Variants in CYP2C19 observed in about 807,000 individuals in gnomAD.
The protein encoded by CYP2C19 is cytochrome P450 family 2 subfamily C member 19.
A neutral mutation model predicts 40.9 loss-of-function variants in CYP2C19; 59 were observed. The ratio of observed to expected loss-of-function variants is 1.44; its 90% CI spans 1.17 to 1.79. The LOEUF is 1.79. Ranked by LOEUF, CYP2C19 falls within the 40% of genes most tolerant of loss-of-function variation. The pLI is 0.00. For missense variants in CYP2C19, 754 were observed against 596.9 expected, an observed-to-expected ratio of 1.26 and a Z score of -2.74; for synonymous variants, 253 against 208.7, an observed-to-expected ratio of 1.21 and a Z score of -1.83.
intron 5 of CYP2C19, among the ~76,000 whole-genome samples, chr10:94,817,974 C>G (rs1028472297): frequency 1.8e-4 from 26 of 140,738 alleles, no homozygotes; most frequent in African/African-American, 6.6e-4. Flanking sequence ...GATCCCGCCA[C>G]TGCACTCCAG....
At position 94,842,711 on chromosome 10, in the gene CYP2C19, C is replaced by T; in HGVS notation, c.962-126C>T. 16 of 1,073,716 alleles carry T rather than the reference C, an allele frequency of 1.5e-5. No individual in the cohort carries two copies. In the South Asian group the frequency reaches 2.3e-4, roughly 16 times the overall value. The allele number at this position is 1,073,716 out of a possible 1,614,324, so 66.5% of individuals were successfully genotyped here. ...CCTCTCTTTAAGTTACACATACTTC[C>T]AGCACTATAATTTAAATTTATTATG... On this transcript the variant is annotated intron_variant, in intron 6 of 8. Transcript: ENST00000371321.
At chr10:94,841,222 G>A (rs1304742027) in intron 6 of CYP2C19, among the ~76,000 whole-genome samples, 1 of 152,194 alleles carries the variant, frequency 6.6e-6, no homozygotes, top group Non-Finnish European at 1.5e-5. Flanking sequence ...GTGGAACCCG[G>A]CAACTAGTGT....
At chr10:94,849,806 A>G in intron 7 of CYP2C19, 111 bp from the exon 8 acceptor site, 1 of 1,318,140 alleles carries the variant, frequency 7.6e-7, no homozygotes, top group Non-Finnish European at 1.1e-6. Flanking sequence ...TCTTCTTTGG[A>G]ATGGTGTTTC....
intron 7 of CYP2C19, 42 bp from the exon 8 acceptor site, chr10:94,849,875 G>A (rs199930610): frequency 1.2e-6 from 2 of 1,612,192 alleles, no homozygotes; most frequent in African/African-American, 2.7e-5. Flanking sequence ...AAACCTTCGT[G>A]ACTTCTTTAC....
chr10:94,775,447 C>G lies in CYP2C19; in HGVS notation c.389C>G (p.Thr130Arg). ...GAGATCCGGCGTTTCTCCCTCATGA[C>G]GCTGCGGAATTTTGGGATGGGGAAG... Reference protein sequence around the residue: ...WKEIRRFSLMTLRNFGMGKRS... With the variant: ...WKEIRRFSLMRLRNFGMGKRS... The change falls in exon 3 of 9, where the codon ACG (threonine) becomes AGG (arginine). Residue 130 changes from threonine to arginine, a missense_variant. Coordinates refer to ENST00000371321, the MANE Select transcript of CYP2C19 (RefSeq NM_000769.4). 6.2e-7 allele frequency: 1 copy of G among 1,614,020 alleles called. No homozygotes were observed.
chr10:94,775,040 C>T lies in CYP2C19; in HGVS notation c.169-18C>T. 1 of 1,613,314 alleles carries T rather than the reference C, an allele frequency of 6.2e-7. No homozygotes were observed. The highest frequency in any genetic ancestry group is 1.7e-5 in the Admixed American group (1 of 59,984). On this transcript the variant is annotated intron_variant, in intron 1 of 8. Coordinates refer to ENST00000371321, the MANE Select transcript of CYP2C19 (RefSeq NM_000769.4). ...AAACAGTGACTTCATTTGCTGTTAACTGTATCTCCTTTTCTAGCTCTCAAA... is the reference window on the plus strand; with the variant it reads ...AAACAGTGACTTCATTTGCTGTTAATTGTATCTCCTTTTCTAGCTCTCAAA...
intron 3 of CYP2C19, among the ~76,000 whole-genome samples, chr10:94,777,267 C>T (rs1848420604): frequency 6.6e-6 from 1 of 152,184 alleles, no homozygotes; most frequent in South Asian, 2.1e-4. Flanking sequence ...CATCAAGCTG[C>T]CATTGAGTTT....
At chr10:94,765,543 G>T (rs111579015) in intron 1 of CYP2C19, among the ~76,000 whole-genome samples, 2 of 151,958 alleles carry the variant, frequency 1.3e-5, no homozygotes, top group Non-Finnish European at 2.9e-5. Context: ...GAGTGGCTCC[G>T]TGTGTTCTAT....
rs565250334 is a variant in CYP2C19 at position 94,800,794 on chromosome 10, CA to C, written c.819+18799del. Among the ~76,000 whole-genome samples the C allele has an allele frequency of 3.1e-3, 470 of 152,318 alleles. 3 individuals carry two copies. Among genetic ancestry groups the C allele is most frequent in the African/African-American group, 0.011 (448 of 41,572 alleles). On this transcript the variant is annotated intron_variant, in intron 5 of 8. Transcript: ENST00000371321. Reference sequence around the variant, plus strand: ...CTTAGACTGCTGTGCTAGCAGTGAACAAGGCTCCATGGGCATGGGACCCACT... The same window carrying C: ...CTTAGACTGCTGTGCTAGCAGTGAACAGGCTCCATGGGCATGGGACCCACT...
intron 8 of CYP2C19, among the ~76,000 whole-genome samples, chr10:94,850,375 C>T (rs971925748): frequency 6.6e-6 from 1 of 152,170 alleles, no homozygotes; most frequent in Non-Finnish European, 1.5e-5. Context: ...ATTTTCCTCA[C>T]TAGCCATGAG....
At chr10:94,823,235 G>C (rs1044546414) in intron 6 of CYP2C19, among the ~76,000 whole-genome samples, 1 of 152,110 alleles carries the variant, frequency 6.6e-6, no homozygotes, top group African/African-American at 2.4e-5. Flanking sequence ...GGCTCTCTCT[G>C]CCTAGGTTTC....
intron 3 of CYP2C19, 62 bp downstream of exon 3, chr10:94,775,601 T>C: frequency 6.2e-7 from 1 of 1,612,882 alleles, no homozygotes; most frequent in Non-Finnish European, 8.5e-7. Context: ...ACTGACATTC[T>C]TGGAAACATT....
chr10:94,780,362 A>C, intron 3 of CYP2C19, 137 bp from the exon 4 acceptor site: 1 of 1,129,344 alleles, frequency 8.9e-7, no homozygotes, highest in Non-Finnish European at 1.2e-6. Context: ...ATGCATGCCA[A>C]ACTCTTTTTT....
At chr10:94,817,489 A>G (rs973417357) in intron 5 of CYP2C19, among the ~76,000 whole-genome samples, 1 of 144,602 alleles carries the variant, frequency 6.9e-6, no homozygotes, top group Non-Finnish European at 1.5e-5. Flanking sequence ...GCCCTTTGTC[A>G]GATGAGTAGG....
At chr10:94,775,746 G>T in intron 3 of CYP2C19, 2 of 736,190 alleles carry the variant, frequency 2.7e-6, no homozygotes, top group Non-Finnish European at 4.4e-6. Flanking sequence ...TACAGTGTGG[G>T]TATAAAAGTT....
intron 5 of CYP2C19, 24 bp downstream of exon 5, chr10:94,782,021 T>C (rs1316628270): frequency 1.3e-6 from 2 of 1,519,490 alleles, no homozygotes; most frequent in Non-Finnish European, 1.8e-6. Context: ...AAAAGCTTAG[T>C]TATGTGACTG....
intron 6 of CYP2C19, among the ~76,000 whole-genome samples, chr10:94,821,142 G>T (rs1849115128): frequency 6.6e-6 from 1 of 152,108 alleles, no homozygotes. Flanking sequence ...GCACAGTAGA[G>T]GAAGATAACT....
At chr10:94,790,542 G>T (rs1354070061) in intron 5 of CYP2C19, among the ~76,000 whole-genome samples, 1 of 152,122 alleles carries the variant, frequency 6.6e-6, no homozygotes, top group Non-Finnish European at 1.5e-5. Context: ...TTTATTGAGA[G>T]TTTTAGCATG....
At chr10:94,785,445 G>T (rs893230167) in intron 5 of CYP2C19, among the ~76,000 whole-genome samples, 2 of 152,008 alleles carry the variant, frequency 1.3e-5, no homozygotes, top group Non-Finnish European at 2.9e-5. Flanking sequence ...AATGGTCTAG[G>T]CACCCTTGAT....
Sources: gnomAD v4.1 joint callset for allele counts (sites outside exome capture counted in the v4.1 genomes callset) on GRCh38, gnomAD v4.1.1 for gene constraint, MANE v1.5 for transcripts, NCBI Gene and HGNC (gene_info 2026-07-23, HGNC 2026-07-21) for gene names.